Variants in KLF8 observed in about 807,000 individuals in gnomAD.
The protein encoded by KLF8 is Krueppel-like factor 8.
A neutral mutation model predicts 18.2 loss-of-function variants in KLF8; 10 were observed. The observed-to-expected ratio is 0.55, with a 90% CI of 0.34 to 0.93. KLF8 has a LOEUF of 0.93. Ranked by LOEUF, KLF8 falls within the 40% of genes least tolerant of loss-of-function variation. KLF8 has a pLI of 0.02. For synonymous variants in KLF8, 109 were observed against 97.3 expected, an observed-to-expected ratio of 1.12 and a Z score of -0.71; for missense variants, 264 against 277.9, an observed-to-expected ratio of 0.95 and a Z score of 0.36.
At chrX:56,180,052 T>C in the KLF8 span, among the ~76,000 whole-genome samples, 142 of 111,732 alleles carry the variant, frequency 1.3e-3, no homozygotes, top group African/African-American at 4.5e-3. Context: ...ATTGGAATAG[T>C]TTCAGAAAGA....
At chrX:55,912,085 T>C in the KLF8 span, among the ~76,000 whole-genome samples, 1 of 111,782 alleles carries the variant, frequency 8.9e-6, no homozygotes, top group African/African-American at 3.2e-5. Flanking sequence ...TGAGGTTGTC[T>C]TAGTATGGTG....
At chrX:56,048,978 C>A in the KLF8 span, among the ~76,000 whole-genome samples, 1 of 111,307 alleles carries the variant, frequency 9.0e-6, no homozygotes, top group Non-Finnish European at 1.9e-5. Flanking sequence ...TGAAGAGTTC[C>A]TTCACATCCC....
the KLF8 span, among the ~76,000 whole-genome samples, chrX:55,963,174 G>A: frequency 9.0e-6 from 1 of 111,556 alleles, no homozygotes; most frequent in Non-Finnish European, 1.9e-5. Flanking sequence ...CCATCCTGTT[G>A]GGATTTATTT....
the KLF8 span, among the ~76,000 whole-genome samples, chrX:55,990,502 T>G: frequency 5.3e-5 from 6 of 112,246 alleles, no homozygotes; most frequent in Non-Finnish European, 1.1e-4. Context: ...TACATGTAGT[T>G]GAGCAGTTTT....
the KLF8 span, among the ~76,000 whole-genome samples, chrX:55,992,034 A>C: frequency 1.8e-5 from 2 of 112,172 alleles, no homozygotes; most frequent in East Asian, 5.6e-4. Flanking sequence ...CTGCAAATAT[A>C]TTCTTCTGTT....
the KLF8 span, among the ~76,000 whole-genome samples, chrX:56,114,265 C>T: frequency 8.9e-6 from 1 of 112,110 alleles, no homozygotes; most frequent in African/African-American, 3.2e-5. Context: ...CCAACCCTTC[C>T]CCCCAGGAAG....
the KLF8 span, among the ~76,000 whole-genome samples, chrX:56,090,098 C>T: frequency 8.9e-6 from 1 of 111,980 alleles, no homozygotes; most frequent in Admixed American, 9.5e-5. Flanking sequence ...ATCATCTGTG[C>T]AGGTCACAGC....
the KLF8 span, among the ~76,000 whole-genome samples, chrX:56,004,207 G>T: frequency 8.9e-6 from 1 of 112,419 alleles, no homozygotes; most frequent in Non-Finnish European, 1.9e-5. Flanking sequence ...CATAGTTTTT[G>T]TGAAGGTCAA....
chrX:55,940,753 A>C, the KLF8 span, among the ~76,000 whole-genome samples: 1 of 111,876 alleles, frequency 8.9e-6, no homozygotes, highest in South Asian at 3.7e-4. Flanking sequence ...GAGCCAAATC[A>C]TGAGTGAACT....
the KLF8 span, among the ~76,000 whole-genome samples, chrX:55,948,822 C>T: frequency 8.9e-6 from 1 of 112,013 alleles, no homozygotes; most frequent in African/African-American, 3.2e-5. Flanking sequence ...TGTCATGTGA[C>T]TTACTAAACT....
At chrX:56,075,111 C>T in the KLF8 span, among the ~76,000 whole-genome samples, 1 of 110,364 alleles carries the variant, frequency 9.1e-6, no homozygotes, top group African/African-American at 3.3e-5. Context: ...ATTTTTTCAA[C>T]AATTTTGTTT....
chrX:56,282,451 A>G (rs751597853), intron 5 of KLF8, among the ~76,000 whole-genome samples: 14 of 112,261 alleles, frequency 1.2e-4, no homozygotes, highest in South Asian at 7.4e-4. Context: ...GATGTCTTTA[A>G]TCTTTGAAAT....
chrX:55,965,990 T>C, the KLF8 span, among the ~76,000 whole-genome samples: 1 of 112,237 alleles, frequency 8.9e-6, no homozygotes, highest in Non-Finnish European at 1.9e-5. Flanking sequence ...ATATCAATGT[T>C]AGCCTACAGC....
At chrX:56,032,713 G>C in the KLF8 span, among the ~76,000 whole-genome samples, 1 of 112,156 alleles carries the variant, frequency 8.9e-6, no homozygotes, top group African/African-American at 3.2e-5. Flanking sequence ...ATAGCAATTT[G>C]TTTATCCATT....
the KLF8 span, among the ~76,000 whole-genome samples, chrX:56,087,112 G>A: frequency 1.8e-5 from 2 of 111,544 alleles, no homozygotes; most frequent in Non-Finnish European, 3.8e-5. Context: ...GGGGAATACT[G>A]ATATTAACCA....
chrX:55,938,904 A>G, the KLF8 span, among the ~76,000 whole-genome samples: 1 of 112,016 alleles, frequency 8.9e-6, no homozygotes, highest in Non-Finnish European at 1.9e-5. Flanking sequence ...AAAGAGACTT[A>G]GATTCCCACA....
At chrX:56,275,049 A>T (rs1221530020) in intron 5 of KLF8, among the ~76,000 whole-genome samples, 1 of 111,623 alleles carries the variant, frequency 9.0e-6, no homozygotes, top group Non-Finnish European at 1.9e-5. Context: ...ATTGTCGTTA[A>T]TATTTTGATA....
chrX:56,240,164 T>C (rs1204854215), intron 1 of KLF8, among the ~76,000 whole-genome samples: 1 of 112,408 alleles, frequency 8.9e-6, no homozygotes, highest in Non-Finnish European at 1.9e-5. Flanking sequence ...ATTTTGTAGC[T>C]AGATCCTAGA....
chrX:56,180,012 A>C, the KLF8 span, among the ~76,000 whole-genome samples: 2 of 111,168 alleles, frequency 1.8e-5, no homozygotes, highest in Non-Finnish European at 3.8e-5. Flanking sequence ...CCATAAAATG[A>C]GTTAGGGAGG....
Sources: gnomAD v4.1 joint callset for allele counts (sites outside exome capture counted in the v4.1 genomes callset) on GRCh38, gnomAD v4.1.1 for gene constraint, MANE v1.5 for transcripts, NCBI Gene and HGNC (gene_info 2026-07-23, HGNC 2026-07-21) for gene names.